Variants in CNGB1 observed in about 807,000 individuals in gnomAD.
The protein encoded by CNGB1 is cyclic nucleotide gated channel subunit beta 1.
CNGB1 carries 126 observed loss-of-function variants against 151.7 expected under a neutral mutation model. The ratio of observed to expected loss-of-function variants is 0.83; its 90% CI spans 0.72 to 0.96. CNGB1 has a LOEUF of 0.96. CNGB1 is among the 40% of genes least tolerant of loss of function. CNGB1 has a pLI of 0.00. For missense variants in CNGB1, 1,698 were observed against 1,627.0 expected (o/e 1.04, Z -0.75); for synonymous variants, 623 against 635.1 (o/e 0.98, Z 0.29).
intron 18 of CNGB1, among the ~76,000 whole-genome samples, chr16:57,922,287 C>G (rs1341074336): frequency 6.6e-6 from 1 of 152,130 alleles, no homozygotes; most frequent in Non-Finnish European, 1.5e-5. Flanking sequence ...GAGCCCAGGG[C>G]CCGGGTATTC....
Position 57,882,933 on chromosome 16 carries a change from CGA to C in CNGB1, c.*1229_*1230del, listed in dbSNP as rs1268158796. ...GAAGTTGCTGCCACCATCTCTACAGCGAGAGTGTCAAAAGTGAGTAACGGACT... is the reference window on the plus strand; with the variant it reads ...GAAGTTGCTGCCACCATCTCTACAGCGAGTGTCAAAAGTGAGTAACGGACT... On this transcript the variant is annotated 3_prime_UTR_variant, in exon 33 of 33. Coordinates refer to ENST00000251102, the MANE Select transcript of CNGB1 (RefSeq NM_001297.5). 6.6e-6 allele frequency: 1 copy of C among 151,970 alleles called. No individual in the cohort carries two copies. The highest frequency in any genetic ancestry group is 1.5e-5 in the Non-Finnish European group (1 of 68,028). 9.4% of individuals were successfully genotyped at this position (151,970 alleles called of 1,614,324 possible).
intron 1 of CNGB1, among the ~76,000 whole-genome samples, chr16:57,970,174 T>C (rs1236018171): frequency 6.6e-6 from 1 of 152,216 alleles, no homozygotes; most frequent in East Asian, 1.9e-4. Flanking sequence ...GGGCCAGACA[T>C]GACCCCTCTG....
intron 12 of CNGB1, chr16:57,954,672 A>T: frequency 1.0e-6 from 1 of 982,464 alleles, no homozygotes; most frequent in South Asian, 4.7e-5. Flanking sequence ...ATGCAATCAC[A>T]GGTTTGATGT....
rs1346447184 is a variant in CNGB1 at position 57,905,509 on chromosome 16, G to A, written c.2493-634C>T. Among the ~76,000 whole-genome samples the A allele has an allele frequency of 2.6e-5, 4 of 152,342 alleles. No individual in the cohort carries two copies. The South Asian group carries it at 8.3e-4, about 32-fold the overall frequency. ...GGCTTGTGAACCTTCTGGAAGGGAG[G>A]TATGGGGGAGGGTGTCCTACTGTGT... On this transcript the variant is annotated intron_variant, in intron 25 of 32. Coordinates refer to ENST00000251102, the MANE Select transcript of CNGB1 (RefSeq NM_001297.5).
At position 57,960,714 on chromosome 16, in the gene CNGB1, T is replaced by A. The variant is rs1401908103; in HGVS notation, c.534+126A>T. On this transcript the variant is annotated intron_variant, in intron 8 of 32. Coordinates refer to ENST00000251102, the MANE Select transcript of CNGB1 (RefSeq NM_001297.5). ...CCTCCCCATAGAGGACTCTCCAAAG[T>A]GGGGCATCGCCCCCTCATGAGTTCT... is the stretch of plus-strand genomic sequence containing the variant. 4 of 1,279,358 alleles carry A rather than the reference T, an allele frequency of 3.1e-6. No homozygotes were observed. In the African/African-American group the frequency reaches 5.9e-5, roughly 19 times the overall value. The allele number at this position is 1,279,358 out of a possible 1,614,324, so 79.3% of individuals were successfully genotyped here. A position where few individuals can be genotyped will look rare whatever the true frequency, so the allele number is the denominator to read the frequency against.
At chr16:57,910,539 A>T (rs1253456221) in intron 25 of CNGB1, among the ~76,000 whole-genome samples, 1 of 151,848 alleles carries the variant, frequency 6.6e-6, no homozygotes, top group Non-Finnish European at 1.5e-5. Flanking sequence ...ATGCCTGGCT[A>T]ATTTTTGTAT....
In CNGB1 at chr16:57,911,884, GGAACACAGCGCAT is replaced by G; in HGVS notation, c.2370-22_2370-10del. ...CTGTGGTCCTGATGACCCTGCAGAAGGAACACAGCGCATGAACACAGCGGCGGAAGGGGGAGGT... is the reference window on the plus strand; with the variant it reads ...CTGTGGTCCTGATGACCCTGCAGAAGGAACACAGCGGCGGAAGGGGGAGGT... On this transcript the variant is annotated splice_polypyrimidine_tract_variant and intron_variant, in intron 24 of 32. Coordinates refer to ENST00000251102, the MANE Select transcript of CNGB1 (RefSeq NM_001297.5). 1 of 1,613,160 alleles carries G rather than the reference GGAACACAGCGCAT, an allele frequency of 6.2e-7. No individual in the cohort carries two copies. Among genetic ancestry groups the G allele is most frequent in the Non-Finnish European group, 8.5e-7 (1 of 1,179,448 alleles).
intron 17 of CNGB1, among the ~76,000 whole-genome samples, chr16:57,931,396 C>A (rs1596989657): frequency 6.6e-6 from 1 of 152,082 alleles, no homozygotes; most frequent in African/African-American, 2.4e-5. Flanking sequence ...CTCAAACGAT[C>A]CACCCACCTC....
intron 22 of CNGB1, among the ~76,000 whole-genome samples, chr16:57,915,794 G>A (rs1297103509): frequency 2.6e-5 from 4 of 151,606 alleles, no homozygotes; most frequent in Non-Finnish European, 4.4e-5. Flanking sequence ...AGCTACTAGG[G>A]AGGCTGAGGC....
At chr16:57,915,370 G>A (rs142218852) in intron 22 of CNGB1, 35 bp from the exon 23 acceptor site, 18,766 of 1,525,510 alleles carry the variant, frequency 0.012, 138 homozygotes, top group Non-Finnish European at 0.015. Context: ...GGGGTAAAAC[G>A]GATGACTCCA....
chr16:57,960,002 G>A lies in CNGB1; in HGVS notation c.647C>T (p.Pro216Leu). 6.3e-7 allele frequency: 1 copy of A among 1,584,090 alleles called. No individual in the cohort carries two copies. The highest frequency in any genetic ancestry group is 8.6e-7 in the Non-Finnish European group (1 of 1,166,750). The stretch of plus-strand genomic sequence containing the variant: ...CTTGGGCTGCAGGGGGATGGGTGTG[G>A]GCAGGGAGGGGGTCTCCCGGGCCTG... ...KLQARETPSL[P>L]TPIPLQPKEE... Residue 216 changes from proline to leucine, a missense_variant, in exon 10 of 33, where the codon CCC (proline) becomes CTC (leucine). Transcript: ENST00000251102.
intron 17 of CNGB1, among the ~76,000 whole-genome samples, 157 bp from the exon 18 acceptor site, chr16:57,923,537 AGGGAAAAC>A (rs1202330305): frequency 6.6e-6 from 1 of 152,056 alleles, no homozygotes; most frequent in Non-Finnish European, 1.5e-5. Flanking sequence ...GCCTGGAGGG[AGGGAAAAC>A]GGCAGAAGAG....
intron 31 of CNGB1, among the ~76,000 whole-genome samples, chr16:57,890,466 A>G (rs1239957418): frequency 6.6e-6 from 1 of 152,248 alleles, no homozygotes; most frequent in East Asian, 1.9e-4. Flanking sequence ...CTAACAAAAT[A>G]ACTATGTATA....
chr16:57,912,890 A>ATG, intron 24 of CNGB1, 40 bp downstream of exon 24: 2 of 1,592,224 alleles, frequency 1.3e-6, no homozygotes, highest in Non-Finnish European at 1.7e-6. Flanking sequence ...TGTGAGTGTC[A>ATG]TGTGTGTGTG....
At chr16:57,935,670 G>T (rs1262231035) in intron 16 of CNGB1, among the ~76,000 whole-genome samples, 1 of 152,058 alleles carries the variant, frequency 6.6e-6, no homozygotes, top group Non-Finnish European at 1.5e-5. Flanking sequence ...AATAGAATTG[G>T]TACAGATTTA....
intron 16 of CNGB1, among the ~76,000 whole-genome samples, chr16:57,932,514 T>C (rs1961382903): frequency 2.0e-5 from 3 of 149,928 alleles, no homozygotes; most frequent in Admixed American, 1.3e-4. Context: ...GCCATTCTCC[T>C]GCCTCAGCCT....
chr16:57,906,692 G>T (rs1308334936), intron 25 of CNGB1, among the ~76,000 whole-genome samples: 1 of 152,242 alleles, frequency 6.6e-6, no homozygotes, highest in African/African-American at 2.4e-5. Context: ...AGACCCCTCG[G>T]CTGTCCGGGA....
chr16:57,960,169 G>A, intron 9 of CNGB1, 104 bp from the exon 10 acceptor site: 1 of 1,504,172 alleles, frequency 6.6e-7, no homozygotes, highest in Non-Finnish European at 8.9e-7. Context: ...AGGACTGAAT[G>A]GGGAGCCCTT....
At chr16:57,930,266 G>A (rs1164629508) in intron 17 of CNGB1, among the ~76,000 whole-genome samples, 1 of 152,108 alleles carries the variant, frequency 6.6e-6, no homozygotes, top group East Asian at 1.9e-4. Context: ...GGAGGCTAAG[G>A]CAGGTGGATT....
Sources: gnomAD v4.1 joint callset for allele counts (sites outside exome capture counted in the v4.1 genomes callset) on GRCh38, gnomAD v4.1.1 for gene constraint, MANE v1.5 for transcripts, NCBI Gene and HGNC (gene_info 2026-07-23, HGNC 2026-07-21) for gene names.